Variants in TSPAN14 observed in about 807,000 individuals in gnomAD.
TSPAN14 encodes the protein tetraspanin-14.
Under a neutral mutation model 36.6 loss-of-function variants are expected in TSPAN14, and 16 were observed. The observed-to-expected ratio is 0.44, with a 90% CI of 0.30 to 0.66. The LOEUF (loss-of-function observed/expected upper bound fraction) is 0.66, where lower values mean the gene tolerates loss of function less well. TSPAN14 is among the 30% of genes least tolerant of loss of function. The pLI, the probability that TSPAN14 is intolerant of heterozygous loss-of-function variation, is 0.12. For missense variants in TSPAN14, 231 were observed against 355.1 expected (o/e 0.65, Z 2.81); for synonymous variants, 139 against 143.8 (o/e 0.97, Z 0.24).
At chr10:80,487,140 T>G (rs1309282417) in intron 1 of TSPAN14, among the ~76,000 whole-genome samples, 1 of 152,214 alleles carries the variant, frequency 6.6e-6, no homozygotes, top group African/African-American at 2.4e-5. Flanking sequence ...ATGCTAGTTA[T>G]AGCTACCGTT....
intron 1 of TSPAN14, among the ~76,000 whole-genome samples, chr10:80,487,892 C>T (rs143136344): frequency 9.6e-4 from 146 of 152,254 alleles, no homozygotes; most frequent in African/African-American, 3.4e-3. Context: ...AGAGGTGGAG[C>T]GGTCACAGGT....
chr10:80,521,574 T>C (rs1841267188), exon 9 of TSPAN14: 1 of 152,214 alleles, frequency 6.6e-6, no homozygotes, highest in Admixed American at 6.5e-5. Flanking sequence ...AGGAGGATGC[T>C]GCAGGTGACT....
chr10:80,454,320 T>A (rs1845625960), exon 1 of TSPAN14: 1 of 151,242 alleles, frequency 6.6e-6, no homozygotes, highest in Non-Finnish European at 1.5e-5. Context: ...GAACTTGCTC[T>A]AACTTCCTCG....
intron 1 of TSPAN14, chr10:80,468,787 C>T: frequency 6.7e-6 from 1 of 148,384 alleles, no homozygotes; most frequent in East Asian, 2.0e-4. Flanking sequence ...AGGCTCACTA[C>T]ACCCTTTATC....
chr10:80,519,724 G>A (rs1036986003), exon 9 of TSPAN14: 1 of 152,336 alleles, frequency 6.6e-6, no homozygotes, highest in Non-Finnish European at 1.5e-5. Context: ...AAGGGATAGG[G>A]TATGTAGACC....
rs547836727 is a variant in TSPAN14 at position 80,496,102 on chromosome 10, C to T, written c.81+6788C>T. ...TCTTATTTTTTAATTGTACAATATACGTAACAGAACATTTGTTATTAAAAC... is the reference window on the plus strand; with the variant it reads ...TCTTATTTTTTAATTGTACAATATATGTAACAGAACATTTGTTATTAAAAC... On this transcript the variant is annotated intron_variant, in intron 2 of 8. Coordinates refer to ENST00000429989, the Ensembl canonical transcript of TSPAN14. Among the ~76,000 whole-genome samples, 21 of 152,174 alleles carry T rather than the reference C, an allele frequency of 1.4e-4. No homozygotes were observed. The South Asian group carries it at 2.9e-3, about 21-fold the overall frequency.
At chr10:80,455,501 C>T (rs1462447494) in intron 1 of TSPAN14, among the ~76,000 whole-genome samples, 1 of 152,126 alleles carries the variant, frequency 6.6e-6, no homozygotes, top group Admixed American at 6.5e-5. Flanking sequence ...GAGAGAGTGG[C>T]CTGCCAAATC....
chr10:80,498,523 C>G (rs919515886), intron 2 of TSPAN14, among the ~76,000 whole-genome samples: 31 of 152,332 alleles, frequency 2.0e-4, no homozygotes, highest in African/African-American at 7.2e-4. Context: ...TCACTGTTGT[C>G]TCCAGAAGCC....
chr10:80,479,110 A>G (rs1847093335), intron 1 of TSPAN14, among the ~76,000 whole-genome samples: 1 of 152,116 alleles, frequency 6.6e-6, no homozygotes, highest in African/African-American at 2.4e-5. Flanking sequence ...GTGTCTGTTC[A>G]TGTCCTTGGC....
At chr10:80,516,273 C>T (rs765290404) in exon 8 of TSPAN14, 11 of 1,614,124 alleles carry the variant, frequency 6.8e-6, no homozygotes, top group South Asian at 2.2e-5. Context: ...CTGGCTCCCG[C>T]GGAACATTTA....
At chr10:80,483,791 T>C (rs1248291292) in intron 1 of TSPAN14, among the ~76,000 whole-genome samples, 1 of 151,526 alleles carries the variant, frequency 6.6e-6, no homozygotes, top group Non-Finnish European at 1.5e-5. Flanking sequence ...TCGCCTGTAA[T>C]CTCAGCTACT....
At chr10:80,491,802 G>A (rs1198020531) in intron 2 of TSPAN14, among the ~76,000 whole-genome samples, 4 of 152,174 alleles carry the variant, frequency 2.6e-5, no homozygotes, top group Non-Finnish European at 5.9e-5. Context: ...GGGCAGAACA[G>A]GAAGGAACAA....
intron 2 of TSPAN14, among the ~76,000 whole-genome samples, chr10:80,504,116 T>C (rs1413750593): frequency 6.6e-6 from 1 of 152,192 alleles, no homozygotes; most frequent in Non-Finnish European, 1.5e-5. Context: ...GCCCAGCCTT[T>C]CCTGAGCATA....
At chr10:80,472,131 C>G (rs561555927) in intron 1 of TSPAN14, among the ~76,000 whole-genome samples, 2 of 152,224 alleles carry the variant, frequency 1.3e-5, no homozygotes, top group South Asian at 4.1e-4. Flanking sequence ...GAGTGAGGCC[C>G]TGTCTCAAAA....
chr10:80,465,228 C>T lies in TSPAN14; in HGVS notation c.-18+10857C>T, dbSNP rs1391439476. ...CCCTTGGGTGGGGGCCAGGCACGTG[C>T]CTGGGTTGCTATTAGTCTCCCAGGC... On this transcript the variant is annotated intron_variant, in intron 1 of 8. Coordinates refer to ENST00000429989, the Ensembl canonical transcript of TSPAN14. Among the ~76,000 whole-genome samples the T allele has an allele frequency of 7.9e-5, 12 of 152,182 alleles. 1 individual carries two copies. In the South Asian group the frequency reaches 2.3e-3, roughly 29 times the overall value.
exon 9 of TSPAN14, chr10:80,520,863 T>TCTGCTTCA (rs758910024): frequency 3.8e-6 from 2 of 528,192 alleles, no homozygotes; most frequent in Non-Finnish European, 7.8e-6. Context: ...CCTCTGCTTC[T>TCTGCTTCA]CTGCTTCAGA....
chr10:80,463,270 A>C (rs1846073678), intron 1 of TSPAN14: 1 of 152,220 alleles, frequency 6.6e-6, no homozygotes, highest in Non-Finnish European at 1.5e-5. Flanking sequence ...GTGTCCAGCC[A>C]CAAACTTTAG....
rs375469884 is a variant in TSPAN14, at chr10:80,486,724, TA to T, written c.-17-2486del. On this transcript the variant is annotated intron_variant, in intron 1 of 8. Transcript: ENST00000429989. ...AGAGGAGGCGGGATTGTCTTGTCCA[TA>T]AAAAAAGAATAGAGTTTCTACCGCT... Among the ~76,000 whole-genome samples, 272 of 152,198 alleles carry T rather than the reference TA, an allele frequency of 1.8e-3. 2 individuals carry two copies. Among genetic ancestry groups the T allele is most frequent in the African/African-American group, 6.3e-3 (262 of 41,550 alleles).
At chr10:80,460,145 T>A (rs1255209711) in intron 1 of TSPAN14, among the ~76,000 whole-genome samples, 1 of 151,742 alleles carries the variant, frequency 6.6e-6, no homozygotes, top group Non-Finnish European at 1.5e-5. Context: ...GGGGAGAGAG[T>A]GGGCCAACTC....
Sources: allele counts gnomAD v4.1 joint callset (sites outside exome capture counted in the v4.1 genomes callset), GRCh38; gene constraint gnomAD v4.1.1; transcripts MANE v1.5; gene names NCBI Gene and HGNC (gene_info 2026-07-23, HGNC 2026-07-21).